The following APTX variants were observed in gnomAD, a reference collection of about 807,000 sequenced individuals.
APTX encodes the protein aprataxin.
APTX carries 33 observed loss-of-function variants against 42.3 expected under a neutral mutation model. The ratio of observed to expected loss-of-function variants is 0.78; its 90% CI spans 0.59 to 1.04. The LOEUF is 1.04. APTX is among the 50% of genes least tolerant of loss of function. APTX has a pLI of 0.00. For missense variants in APTX, 421 were observed against 415.1 expected, an observed-to-expected ratio of 1.01 and a Z score of -0.12; for synonymous variants, 130 against 146.7, an observed-to-expected ratio of 0.89 and a Z score of 0.82.
intron 5 of APTX, among the ~76,000 whole-genome samples, chr9:32,985,242 T>G (rs566838240): frequency 2.2e-4 from 34 of 152,224 alleles, no homozygotes; most frequent in Middle Eastern, 3.4e-3. Context: ...ACACGTGGGT[T>G]CCAGTGAGCC....
rs183400803 is a variant in APTX at position 33,013,040 on chromosome 9, C to T, written c.-5+11983G>A. Reference sequence around the variant, plus strand: ...CATTGTTTTACTGACCTAGAAAACACCCTGACATATAGTAGGTACTCAATC... The same window carrying T: ...CATTGTTTTACTGACCTAGAAAACATCCTGACATATAGTAGGTACTCAATC... On this transcript the variant is annotated intron_variant, in intron 1 of 6. Transcript: ENST00000436040. Among the ~76,000 whole-genome samples, 122 of 152,254 alleles carry T rather than the reference C, an allele frequency of 8.0e-4. 1 individual carries two copies. The highest frequency in any genetic ancestry group is 2.7e-3 in the African/African-American group (113 of 41,546).
rs181835582 is a variant in APTX, at chr9:32,989,790, C to G, written c.102G>C (p.Lys34Asn). 2.4e-5 allele frequency: 38 copies of G among 1,614,262 alleles called. No individual in the cohort carries two copies. In the East Asian group the frequency reaches 5.3e-4, roughly 23 times the overall value. ...AVVIGRGPET[K>N]ITDKKCSRQQ... is the part of the protein sequence containing the mutation. ...GTCGAGAACATTTCTTATCAGTGAT[C>G]TTGGTCTCTGGGCCACGCCCAATCA... Residue 34 changes from lysine to asparagine, a missense_variant, in exon 2 of 8, where the codon AAG becomes AAC. Transcript: ENST00000379817.
upstream of APTX, among the ~76,000 whole-genome samples, chr9:33,005,471 C>T (rs1837072149): frequency 6.6e-6 from 1 of 151,930 alleles, no homozygotes; most frequent in African/African-American, 2.4e-5. Flanking sequence ...GAGTCTTGCT[C>T]TGTTGCCCAG....
In APTX at chr9:32,987,609, G is replaced by A. The variant is rs1563967269; in HGVS notation, c.418C>T (p.Pro140Ser). Reference protein sequence around the residue: ...QEAEAGTGLEPGSNSGQCSVP... With the variant: ...QEAEAGTGLESGSNSGQCSVP... ...GAGCATTGGCCAGAGTTGCTCCCAGGTTCCAGCCCTGTCCCAGCCTCAGCT... is the reference window on the plus strand; with the variant it reads ...GAGCATTGGCCAGAGTTGCTCCCAGATTCCAGCCCTGTCCCAGCCTCAGCT... The change falls in exon 4 of 8, where the codon CCT (proline) becomes TCT (serine). Residue 140 changes from proline to serine, a missense_variant. Physicochemically the swap from Pro to Ser is moderately conservative, Grantham distance 74. Coordinates refer to ENST00000379817, the MANE Select transcript of APTX (RefSeq NM_001195248.2). The A allele has an allele frequency of 6.2e-7, 1 of 1,614,104 alleles. No homozygotes were observed. The highest frequency in any genetic ancestry group is 8.5e-7 in the Non-Finnish European group (1 of 1,180,026).
rs985263117 is a variant in APTX at position 33,012,312 on chromosome 9, T to C, written c.-5+12711A>G. On this transcript the variant is annotated intron_variant, in intron 1 of 6. Transcript: ENST00000436040. Reference sequence around the variant, plus strand: ...TTAAAGAAAAAAAAAGAACGCAAAATTTTTTAGAAAATGTATACTTAGCCT... The same window carrying C: ...TTAAAGAAAAAAAAAGAACGCAAAACTTTTTAGAAAATGTATACTTAGCCT... 9.2e-5 allele frequency among the ~76,000 whole-genome samples: 14 copies of C among 152,280 alleles called. No individual in the cohort carries two copies. The South Asian group carries it at 1.9e-3, about 20-fold the overall frequency.
At chr9:33,000,625 CAAAAAAAAAAAA>C (rs60760701) in intron 1 of APTX, among the ~76,000 whole-genome samples, 1 of 63,454 alleles carries the variant, frequency 1.6e-5, no homozygotes, top group Admixed American at 2.0e-4. Flanking sequence ...GACTCTGTCT[CAAAAAAAAAAAA>C]AAAAAAAAAA....
At chr9:33,019,570 G>C (rs1229934957) in intron 1 of APTX, 5 of 354,668 alleles carry the variant, frequency 1.4e-5, no homozygotes, top group Non-Finnish European at 2.6e-5. Flanking sequence ...AGCACACAAA[G>C]GCAGTACAGG....
chr9:33,007,634 C>T (rs1367412780), intron 1 of APTX, among the ~76,000 whole-genome samples: 5 of 152,138 alleles, frequency 3.3e-5, no homozygotes, highest in South Asian at 2.1e-4. Context: ...GAAAATCTAG[C>T]GAAACATAAA....
Position 32,989,838 on chromosome 9 carries a change from T to C in APTX, c.54A>G (p.Arg18=). The change falls in exon 2 of 8, where the codon AGA becomes AGG. Residue 18 remains arginine (R), a synonymous_variant. Transcript: ENST00000379817. ...VRQDSRHQRI[R]LPHLEAVVIG... is the part of the protein sequence containing the mutation. ...TCACAACTGCTTCCAAATGTGGAAG[T>C]CTGATTCGCTGGTGCCGGCTGTCCT... 2 of 1,614,252 alleles carry C rather than the reference T, an allele frequency of 1.2e-6. No homozygotes were observed. Among genetic ancestry groups the C allele is most frequent in the Non-Finnish European group, 1.7e-6 (2 of 1,180,046 alleles).
chr9:32,974,240 T>C (rs1828774677), intron 7 of APTX, among the ~76,000 whole-genome samples: 2 of 152,140 alleles, frequency 1.3e-5, no homozygotes, highest in East Asian at 3.8e-4. Context: ...CCTGACATAA[T>C]AGCTTTCTAG....
intron 1 of APTX, among the ~76,000 whole-genome samples, chr9:33,009,578 A>G (rs1837390689): frequency 6.6e-6 from 1 of 152,168 alleles, no homozygotes; most frequent in South Asian, 2.1e-4. Flanking sequence ...CAGAAGTTTG[A>G]GACCAGGCTG....
intron 6 of APTX, among the ~76,000 whole-genome samples, chr9:32,982,733 G>C (rs1830965655): frequency 6.6e-6 from 1 of 152,138 alleles, no homozygotes; most frequent in South Asian, 2.1e-4. Flanking sequence ...AAAAGGTATG[G>C]GCATCACGAT....
chr9:32,973,354 G>T lies in APTX; in HGVS notation c.*144C>A. 1 of 960,184 alleles carries T rather than the reference G, an allele frequency of 1.0e-6. No homozygotes were observed. 59.5% of individuals were successfully genotyped at this position (960,184 alleles called of 1,614,324 possible). A position where few individuals can be genotyped will look rare whatever the true frequency, so the allele number is the denominator to read the frequency against. ...AGTACTTTGAGCCACTCTACATTGT[G>T]GCCACTCAATAATAGAATAAATTTG... On this transcript the variant is annotated 3_prime_UTR_variant, in exon 8 of 8. Coordinates refer to ENST00000379817, the MANE Select transcript of APTX (RefSeq NM_001195248.2).
At chr9:32,984,972 T>A (rs1820432535) in intron 5 of APTX, 115 bp from the exon 6 acceptor site, 1 of 955,412 alleles carries the variant, frequency 1.0e-6, no homozygotes, top group African/African-American at 1.6e-5. Context: ...ATGGTTTTAA[T>A]AGCCCAGTTT....
At position 32,987,679 on chromosome 9, in the gene APTX, C is replaced by CT; in HGVS notation, c.347dup (p.Arg117GlufsTer6). On this transcript the variant is annotated frameshift_variant, in exon 4 of 8. Coordinates refer to ENST00000379817, the MANE Select transcript of APTX (RefSeq NM_001195248.2). LOFTEE classifies it high-confidence loss of function. ...CTATAGAATCACTGTTGCCTGATCT[C>CT]TTTCTCTTCCTGTGTGTTTCCAGGC... The CT allele has an allele frequency of 6.2e-7, 1 of 1,614,190 alleles. No homozygotes were observed. The highest frequency in any genetic ancestry group is 8.5e-7 in the Non-Finnish European group (1 of 1,180,030).
At chr9:32,985,949 A>C (rs1347290910) in intron 5 of APTX, 22 bp downstream of exon 5, 5 of 1,608,086 alleles carry the variant, frequency 3.1e-6, no homozygotes, top group Non-Finnish European at 4.2e-6. Context: ...AATGTACTGA[A>C]ATTCCAAAAT....
chr9:32,993,269 C>T (rs1330308739), intron 1 of APTX, among the ~76,000 whole-genome samples: 1 of 152,190 alleles, frequency 6.6e-6, no homozygotes, highest in Non-Finnish European at 1.5e-5. Context: ...GTAGTGACTG[C>T]ACAACAGTTA....
intron 1 of APTX, among the ~76,000 whole-genome samples, chr9:32,994,968 CTGAA>C (rs2118991071): frequency 6.6e-6 from 1 of 152,302 alleles, no homozygotes; most frequent in Admixed American, 6.5e-5. Flanking sequence ...GCATGACTGA[CTGAA>C]TATTTTAAGA....
At chr9:33,020,371 C>A (rs1410505526) in intron 1 of APTX, among the ~76,000 whole-genome samples, 1 of 152,208 alleles carries the variant, frequency 6.6e-6, no homozygotes, top group African/African-American at 2.4e-5. Context: ...CATGACTCTA[C>A]CTGAAGACTT....
Sources: gnomAD v4.1 joint callset for allele counts (sites outside exome capture counted in the v4.1 genomes callset) on GRCh38, gnomAD v4.1.1 for gene constraint, MANE v1.5 for transcripts, NCBI Gene and HGNC (gene_info 2026-07-23, HGNC 2026-07-21) for gene names.